Variants in GON4L observed in about 807,000 individuals in gnomAD.
The protein encoded by GON4L is gon-4 like.
In GON4L, 87 loss-of-function variants were observed where a neutral mutation model predicts 211.8. The ratio of observed to expected loss-of-function variants is 0.41; its 90% confidence interval spans 0.35 to 0.49. The LOEUF is 0.49. Among genes scored for constraint, GON4L ranks in the 20% least tolerant of loss-of-function variants. The pLI, the probability that GON4L is intolerant of heterozygous loss-of-function variation, is 0.15. For missense variants in GON4L, 2,155 were observed against 2,659.5 expected (o/e 0.81, Z 4.17); for synonymous variants, 875 against 962.6 (o/e 0.91, Z 1.68).
intron 6 of GON4L, among the ~76,000 whole-genome samples, chr1:155,819,809 A>G (rs534294528): frequency 1.2e-3 from 176 of 152,344 alleles, no homozygotes; most frequent in African/African-American, 4.2e-3. Context: ...ACACTTTAGT[A>G]TTCAAAAGAA....
At chr1:155,810,249 C>T (rs1432367856) in intron 10 of GON4L, among the ~76,000 whole-genome samples, 1 of 151,280 alleles carries the variant, frequency 6.6e-6, no homozygotes, top group African/African-American at 2.4e-5. Context: ...CCGCCTGGGC[C>T]TCTCAAAGTG....
At chr1:155,775,493 C>T (rs1428157307) in intron 16 of GON4L, among the ~76,000 whole-genome samples, 9 of 150,432 alleles carry the variant, frequency 6.0e-5, no homozygotes, top group East Asian at 3.9e-4. Flanking sequence ...TTCGCTCTGT[C>T]GCCCAGGCTG....
rs1301330723 is a variant in GON4L at position 155,766,022 on chromosome 1, T to C, written c.3451A>G (p.Thr1151Ala). The change falls in exon 21 of 32, where the codon ACT (threonine) becomes GCT (alanine). Residue 1151 changes from threonine to alanine, a missense_variant. This residue lies in a region of GON4L where 615 missense variants were observed against 625.7 expected (regional missense o/e 0.98). Coordinates refer to ENST00000368331, the MANE Select transcript of GON4L (RefSeq NM_001282860.2). ...ASVIFTVPATTVKIVSLGGGC... is the reference protein window; with the variant it reads ...ASVIFTVPATAVKIVSLGGGC... Reference sequence around the variant, plus strand: ...CCGCCAAGGCTCACAATCTTCACAGTGGTAGCAGGAACAGTGAAGATAACA... The same window carrying C: ...CCGCCAAGGCTCACAATCTTCACAGCGGTAGCAGGAACAGTGAAGATAACA... 1 of 1,614,068 alleles carries C rather than the reference T, an allele frequency of 6.2e-7. No homozygotes were observed. Among genetic ancestry groups the C allele is most frequent in the Admixed American group, 1.7e-5 (1 of 60,018 alleles).
chr1:155,794,777 C>T (rs1401843585), intron 12 of GON4L, among the ~76,000 whole-genome samples: 1 of 152,172 alleles, frequency 6.6e-6, no homozygotes, highest in African/African-American at 2.4e-5. Context: ...CTAGGCTGAA[C>T]TCCTACAGCA....
At chr1:155,785,501 T>C (rs1438012251) in intron 12 of GON4L, 127 bp from the exon 13 acceptor site, 33 of 757,556 alleles carry the variant, frequency 4.4e-5, no homozygotes, top group Non-Finnish European at 4.3e-5. Context: ...TCCTTCTTTT[T>C]TTGAGATGGG....
chr1:155,828,807 CAAAA>C, intron 2 of GON4L, among the ~76,000 whole-genome samples: 1 of 72,798 alleles, frequency 1.4e-5, no homozygotes. Flanking sequence ...GACTCTGTCT[CAAAA>C]AAAAAAAAAA....
At chr1:155,779,190 C>T (rs1664144779) in intron 14 of GON4L, among the ~76,000 whole-genome samples, 1 of 142,246 alleles carries the variant, frequency 7.0e-6, no homozygotes, top group Admixed American at 7.3e-5. Context: ...GAAGGTGGAG[C>T]TTGCAGTGAG....
At chr1:155,844,866 C>T (rs1006385052) in intron 2 of GON4L, among the ~76,000 whole-genome samples, 26 of 152,216 alleles carry the variant, frequency 1.7e-4, no homozygotes, top group African/African-American at 6.3e-4. Context: ...ATCTTTGGCC[C>T]TGCCTCTTTT....
At position 155,766,467 on chromosome 1, in the gene GON4L, C is replaced by T. The variant is rs61745601; in HGVS notation, c.3006G>A (p.Lys1002=). The T allele has an allele frequency of 4.7e-4, 763 of 1,613,984 alleles. 4 individuals are homozygous for T. The highest frequency in any genetic ancestry group is 3.6e-3 in the Admixed American group (215 of 59,998). The change falls in exon 21 of 32, where the codon AAG becomes AAA. Residue 1002 remains lysine, a synonymous_variant. Coordinates refer to ENST00000368331, the MANE Select transcript of GON4L (RefSeq NM_001282860.2). ...AWRQKRSSVL[K]PLLIQPSPSL... Reference sequence around the variant, plus strand: ...AGGGGCTGGGTTGGATAAGGAGGGGCTTCAGGACTGATGAACGCTTCTGTC... The same window carrying T: ...AGGGGCTGGGTTGGATAAGGAGGGGTTTCAGGACTGATGAACGCTTCTGTC...
intron 12 of GON4L, among the ~76,000 whole-genome samples, chr1:155,789,735 G>A (rs1466142104): frequency 6.6e-6 from 1 of 152,074 alleles, no homozygotes; most frequent in Non-Finnish European, 1.5e-5. Flanking sequence ...TCATCCCTCA[G>A]TATCTGTGGA....
At position 155,766,067 on chromosome 1, in the gene GON4L, C is replaced by T. The variant is rs1571660962; in HGVS notation, c.3406G>A (p.Val1136Ile). ...ATAACAGATGCAGGGTGGTGGATAA[C>T]AGGGGCAGGTTTCATACAGGGAGAG... ...KASPCMKPAP[V>I]IHHPASVIFT... Residue 1136 changes from valine (V) to isoleucine (I), a missense_variant, in exon 21 of 32, where the codon GTT (valine) becomes ATT (isoleucine). Val to Ile is a conservative substitution (Grantham distance 29, BLOSUM62 3). Transcript: ENST00000368331. 1.2e-6 allele frequency: 2 copies of T among 1,614,128 alleles called. No homozygotes were observed. Among genetic ancestry groups the T allele is most frequent in the Non-Finnish European group, 1.7e-6 (2 of 1,180,022 alleles).
intron 2 of GON4L, among the ~76,000 whole-genome samples, chr1:155,849,700 T>C (rs1008557986): frequency 2.2e-5 from 3 of 139,454 alleles, no homozygotes; most frequent in East Asian, 2.1e-4. Context: ...CTTGAACCCA[T>C]GAGGCGGAGG....
At chr1:155,745,187 G>A (rs1660213308), downstream of GON4L, among the ~76,000 whole-genome samples, 1 of 152,158 alleles carries the variant, frequency 6.6e-6, no homozygotes, top group African/African-American at 2.4e-5. Context: ...ATTCCACAGA[G>A]ATGAAAAATA....
At chr1:155,754,727 A>G (rs1236132338) in intron 27 of GON4L, among the ~76,000 whole-genome samples, 2 of 151,142 alleles carry the variant, frequency 1.3e-5, no homozygotes, top group South Asian at 2.1e-4. Flanking sequence ...ACAGGGTTTC[A>G]CCATGTTGGT....
intron 23 of GON4L, among the ~76,000 whole-genome samples, chr1:155,761,245 A>G (rs1389632609): frequency 6.7e-6 from 1 of 149,150 alleles, no homozygotes; most frequent in Non-Finnish European, 1.5e-5. Flanking sequence ...CACTGATGCA[A>G]TCATGGCTCA....
intron 15 of GON4L, among the ~76,000 whole-genome samples, chr1:155,777,253 T>TA (rs1663907333): frequency 6.6e-6 from 1 of 152,206 alleles, no homozygotes; most frequent in Non-Finnish European, 1.5e-5. Flanking sequence ...ACAAAGCTGT[T>TA]AATTTCTGGC....
chr1:155,765,680 C>T lies in GON4L; in HGVS notation c.3793G>A (p.Val1265Met), dbSNP rs759484182. Residue 1265 changes from valine to methionine, a missense_variant, in exon 21 of 32, where the codon GTG becomes ATG. Val to Met is a conservative substitution (Grantham distance 21, BLOSUM62 1). This residue lies in a region of GON4L where 615 missense variants were observed against 625.7 expected (regional missense o/e 0.98). Coordinates refer to ENST00000368331, the MANE Select transcript of GON4L (RefSeq NM_001282860.2). ...AGTGGAGGCCCTGGGCTATGTTCCA[C>T]TTTCGGGAAAACAGTAGCAGAGAGA... is the stretch of plus-strand genomic sequence containing the variant. ...SPLSATVFPK[V>M]EHSPGPPLAD... 3.1e-6 allele frequency: 5 copies of T among 1,614,222 alleles called. No individual in the cohort carries two copies. The Middle Eastern group carries it at 6.6e-4, about 213-fold the overall frequency.
chr1:155,819,159 C>T (rs1209609485), intron 6 of GON4L, among the ~76,000 whole-genome samples: 3 of 150,928 alleles, frequency 2.0e-5, no homozygotes, highest in South Asian at 2.1e-4. Context: ...AAAAATTAGC[C>T]GGGCATGGTG....
chr1:155,785,665 T>C (rs1664867287), intron 12 of GON4L, among the ~76,000 whole-genome samples: 1 of 152,110 alleles, frequency 6.6e-6, no homozygotes, highest in Non-Finnish European at 1.5e-5. Context: ...AATTTTTGTA[T>C]ATTTTGTAGA....
Sources: gnomAD v4.1 joint callset for allele counts (sites outside exome capture counted in the v4.1 genomes callset) on GRCh38, gnomAD v4.1.1 for gene constraint, gnomAD v4.1.1 regional missense constraint, MANE v1.5 for transcripts, NCBI Gene and HGNC (gene_info 2026-07-23, HGNC 2026-07-21) for gene names.